The following SLC8A1 variants were observed in gnomAD, a reference collection of about 807,000 sequenced individuals.
SLC8A1 encodes solute carrier family 8 member A1.
SLC8A1 carries 18 observed loss-of-function variants against 68.3 expected under a neutral mutation model. That is an observed-to-expected ratio of 0.26 (90% CI 0.18 to 0.39). The LOEUF (loss-of-function observed/expected upper bound fraction) is 0.39, where lower values mean the gene tolerates loss of function less well. SLC8A1 is among the 10% of genes least tolerant of loss of function. The pLI, the probability that SLC8A1 is intolerant of heterozygous loss-of-function variation, is 1.00. For synonymous variants in SLC8A1, 475 were observed against 415.5 expected (o/e 1.14, Z -1.74); for missense variants, 985 against 1,156.7 (o/e 0.85, Z 2.15).
At chr2:40,200,228 A>ATAAATATATATT (rs2054020839) in intron 2 of SLC8A1, among the ~76,000 whole-genome samples, 3 of 41,934 alleles carry the variant, frequency 7.2e-5, no homozygotes, top group African/African-American at 2.2e-4. Flanking sequence ...ATTTTTTTAT[A>ATAAATATATATT]TATATATATA....
Position 40,336,545 on chromosome 2 carries a change from T to C in SLC8A1, c.1808+91928A>G, listed in dbSNP as rs578007494. On this transcript the variant is annotated intron_variant, in intron 2 of 7. Transcript: ENST00000406785. ...ACCATAAGGCTCTTTTCTGAAAAAA[T>C]AGTGTCACATCCCTTAGGGAAGTTA... 2.6e-5 allele frequency among the ~76,000 whole-genome samples: 4 copies of C among 152,180 alleles called. No homozygotes were observed. The East Asian group carries it at 7.7e-4, about 29-fold the overall frequency.
chr2:40,264,386 A>T (rs543582078), intron 2 of SLC8A1, among the ~76,000 whole-genome samples: 118 of 152,214 alleles, frequency 7.8e-4, no homozygotes, highest in African/African-American at 2.7e-3. Context: ...TGCTGCTATA[A>T]AGACACATGC....
intron 2 of SLC8A1, among the ~76,000 whole-genome samples, chr2:40,387,707 C>T (rs976297461): frequency 6.8e-6 from 1 of 147,388 alleles, no homozygotes; most frequent in African/African-American, 2.7e-5. Context: ...AGAAGCCTAG[C>T]GGGGTGGATC....
At chr2:40,463,698 CCAGATTGCTTTT>C (rs1167992271) in intron 1 of SLC8A1, among the ~76,000 whole-genome samples, 7 of 152,084 alleles carry the variant, frequency 4.6e-5, no homozygotes, top group African/African-American at 1.4e-4. Context: ...GAATTATCCA[CCAGATTGCTTTT>C]CAGATTGCTT....
chr2:40,359,092 G>A (rs893512430), intron 2 of SLC8A1, among the ~76,000 whole-genome samples: 2 of 152,124 alleles, frequency 1.3e-5, no homozygotes, highest in African/African-American at 4.8e-5. Context: ...AGAAGTGAAA[G>A]TGAAGCTGAA....
intron 2 of SLC8A1, among the ~76,000 whole-genome samples, chr2:40,301,914 G>C (rs2071532774): frequency 6.6e-6 from 1 of 152,036 alleles, no homozygotes; most frequent in Non-Finnish European, 1.5e-5. Context: ...CCACGCTGGA[G>C]TGCAGTGGCA....
chr2:40,441,579 A>G (rs1455522646), intron 1 of SLC8A1, among the ~76,000 whole-genome samples: 3 of 152,130 alleles, frequency 2.0e-5, no homozygotes, highest in African/African-American at 7.2e-5. Flanking sequence ...TTATAGACCA[A>G]TAGAACAGAA....
chr2:40,283,402 G>A (rs1404673037), intron 2 of SLC8A1, among the ~76,000 whole-genome samples: 1 of 152,136 alleles, frequency 6.6e-6, no homozygotes. Flanking sequence ...AGAGAATAAC[G>A]AACAGTTATT....
At chr2:40,487,986 A>G (rs185093605) in intron 1 of SLC8A1, among the ~76,000 whole-genome samples, 3 of 152,272 alleles carry the variant, frequency 2.0e-5, no homozygotes, top group African/African-American at 4.8e-5. Context: ...AAAAATAATC[A>G]TAAGTGGGGT....
intron 2 of SLC8A1, among the ~76,000 whole-genome samples, chr2:40,424,053 G>A (rs535147860): frequency 4.2e-4 from 64 of 151,920 alleles, no homozygotes; most frequent in Middle Eastern, 3.4e-3. Context: ...TACCTCCATC[G>A]TATGCTTTAA....
intron 1 of SLC8A1, among the ~76,000 whole-genome samples, chr2:40,473,168 C>T (rs1011356612): frequency 1.3e-5 from 2 of 151,998 alleles, no homozygotes; most frequent in Non-Finnish European, 2.9e-5. Context: ...TACAGAGGAC[C>T]TAAGAATCAC....
rs61623694 is a variant in SLC8A1 at position 40,216,012 on chromosome 2, C to CTTT, written c.1809-38160_1809-38158dup. Among the ~76,000 whole-genome samples, 1,361 of 143,754 alleles carry CTTT rather than the reference C, an allele frequency of 9.5e-3. 28 individuals are homozygous for CTTT. The highest frequency in any genetic ancestry group is 0.032 in the African/African-American group (1,246 of 39,208). 94.3% of individuals were successfully genotyped at this position (143,754 alleles called of 152,430 possible). A position where few individuals can be genotyped will look rare whatever the true frequency, so the allele number is the denominator to read the frequency against. On this transcript the variant is annotated intron_variant, in intron 2 of 7. Coordinates refer to ENST00000406785, the Ensembl canonical transcript of SLC8A1. ...GACATATAAGCCTTCCCAGTGTATG[C>CTTT]TTTTTTTTTTTTACAATTTTTTAAA...
intron 2 of SLC8A1, among the ~76,000 whole-genome samples, chr2:40,191,000 A>C (rs983537990): frequency 2.2e-4 from 34 of 152,136 alleles, no homozygotes; most frequent in African/African-American, 8.0e-4. Context: ...TTCATTTTCT[A>C]ATTCAAAAGG....
At chr2:40,212,192 A>C (rs2056704365) in intron 2 of SLC8A1, among the ~76,000 whole-genome samples, 1 of 151,982 alleles carries the variant, frequency 6.6e-6, no homozygotes, top group Non-Finnish European at 1.5e-5. Context: ...AATCCCAGTT[A>C]ATCTAAGGGA....
intron 4 of SLC8A1, among the ~76,000 whole-genome samples, chr2:40,165,707 A>T (rs916141050): frequency 1.3e-5 from 2 of 152,142 alleles, no homozygotes; most frequent in Non-Finnish European, 2.9e-5. Flanking sequence ...TGTGAGCACA[A>T]TTATTTCCAG....
chr2:40,150,569 G>A (rs1370291654), intron 6 of SLC8A1, among the ~76,000 whole-genome samples: 5 of 152,208 alleles, frequency 3.3e-5, no homozygotes, highest in Admixed American at 6.5e-5. Context: ...TGGACCCAGT[G>A]ATGGCACATT....
intron 2 of SLC8A1, among the ~76,000 whole-genome samples, chr2:40,404,246 G>C (rs550247067): frequency 5.3e-5 from 8 of 152,188 alleles, no homozygotes; most frequent in Non-Finnish European, 8.8e-5. Flanking sequence ...TGGAAGAAAG[G>C]CTTCTTTGTA....
intron 2 of SLC8A1, among the ~76,000 whole-genome samples, chr2:40,306,656 C>CTT (rs2072672064): frequency 6.6e-6 from 1 of 152,152 alleles, no homozygotes; most frequent in African/African-American, 2.4e-5. Flanking sequence ...GTCAACAAGC[C>CTT]TTTGCCCAAA....
At chr2:40,178,308 G>A in intron 2 of SLC8A1, 79 bp downstream of exon 3, 1 of 1,033,522 alleles carries the variant, frequency 9.7e-7, no homozygotes, top group Admixed American at 1.7e-5. Flanking sequence ...TGTAAGTCAT[G>A]TTCTGAAGAG....
Sources: gnomAD v4.1 joint callset for allele counts (sites outside exome capture counted in the v4.1 genomes callset) on GRCh38, gnomAD v4.1.1 for gene constraint, MANE v1.5 for transcripts, NCBI Gene and HGNC (gene_info 2026-07-23, HGNC 2026-07-21) for gene names.